PRKD1: variants seen among roughly 807,000 people sequenced by gnomAD.
The protein encoded by PRKD1 is serine/threonine-protein kinase D1.
A neutral mutation model predicts 95.9 loss-of-function variants in PRKD1; 63 were observed. That is an observed-to-expected ratio of 0.66 (90% CI 0.54 to 0.81). The LOEUF is 0.81. Among genes scored for constraint, PRKD1 ranks in the 30% least tolerant of loss-of-function variants. PRKD1 has a pLI of 0.00. For synonymous variants in PRKD1, 425 were observed against 423.1 expected (o/e 1.00, Z -0.05); for missense variants, 1,048 against 1,165.3 (o/e 0.90, Z 1.47).
chr14:29,896,665 G>C (rs554680371), intron 1 of PRKD1, among the ~76,000 whole-genome samples: 19 of 151,238 alleles, frequency 1.3e-4, no homozygotes, highest in East Asian at 3.9e-4. Context: ...TACACAAAAT[G>C]GTTGTAAAAG....
intron 13 of PRKD1, among the ~76,000 whole-genome samples, chr14:29,613,109 T>C (rs1003885247): frequency 6.6e-6 from 1 of 152,030 alleles, no homozygotes; most frequent in African/African-American, 2.4e-5. Flanking sequence ...AAAAAAAAAT[T>C]CTTCATGTAA....
At chr14:29,721,401 G>A (rs555648428) in intron 2 of PRKD1, among the ~76,000 whole-genome samples, 1 of 152,284 alleles carries the variant, frequency 6.6e-6, no homozygotes, top group African/African-American at 2.4e-5. Context: ...AGGAATTCTT[G>A]TAGTCCTTTT....
Position 29,725,644 on chromosome 14 carries a change from C to A in PRKD1, c.295G>T (p.Asp99Tyr). The change falls in exon 2 of 18, where the codon GAT becomes TAT. Residue 99 changes from aspartate (D) to tyrosine (Y), a missense_variant. Coordinates refer to ENST00000331968, the MANE Select transcript of PRKD1 (RefSeq NM_002742.3). Reference sequence around the variant, plus strand: ...TCATGGCGAAAAAGCAGGATCTTATCATACATTCCGTAGAAACCACATTCA... The same window carrying A: ...TCATGGCGAAAAAGCAGGATCTTATAATACATTCCGTAGAAACCACATTCA... ...FPECGFYGMY[D>Y]KILLFRHDPT... 6.2e-7 allele frequency: 1 copy of A among 1,613,658 alleles called. No individual in the cohort carries two copies. The highest frequency in any genetic ancestry group is 8.5e-7 in the Non-Finnish European group (1 of 1,179,718).
intron 1 of PRKD1, among the ~76,000 whole-genome samples, chr14:29,835,228 T>C (rs997939370): frequency 3.9e-5 from 6 of 152,290 alleles, no homozygotes; most frequent in South Asian, 2.1e-4. Flanking sequence ...AAACCCTTCA[T>C]TGATTTTGCT....
At chr14:29,828,390 T>C (rs1891277954) in intron 1 of PRKD1, among the ~76,000 whole-genome samples, 1 of 151,860 alleles carries the variant, frequency 6.6e-6, no homozygotes, top group Non-Finnish European at 1.5e-5. Context: ...ATCTCGCTCA[T>C]TACCATGAGG....
At chr14:29,895,391 A>C (rs541674829) in intron 1 of PRKD1, among the ~76,000 whole-genome samples, 6 of 152,044 alleles carry the variant, frequency 3.9e-5, no homozygotes, top group Non-Finnish European at 8.8e-5. Context: ...CTGACTGCTC[A>C]CTTTCATATA....
chr14:29,687,328 T>C (rs1401367297), intron 2 of PRKD1, among the ~76,000 whole-genome samples: 2 of 152,164 alleles, frequency 1.3e-5, no homozygotes, highest in Non-Finnish European at 2.9e-5. Flanking sequence ...CCAGGAATCT[T>C]CAGATTTTTG....
At position 29,927,681 on chromosome 14, in the gene PRKD1, C is replaced by CGGGAG. The variant is rs1328833732; in HGVS notation, c.-174_-170dup. The CGGGAG allele has an allele frequency of 1.7e-5, 2 of 120,004 alleles. No individual in the cohort carries two copies. The highest frequency in any genetic ancestry group is 4.9e-4 in the East Asian group (2 of 4,090). The allele number at this position is 120,004 out of a possible 1,614,324, so 7.4% of individuals were successfully genotyped here. A position where few individuals can be genotyped will look rare whatever the true frequency, so the allele number is the denominator to read the frequency against. On this transcript the variant is annotated 5_prime_UTR_variant, in exon 1 of 18. Transcript: ENST00000331968. ...TGGGGGAGGGCAAGGGGATGAGGATCGGGAGGGGAGGGGACTAAGGGGAGG... is the reference window on the plus strand; with the variant it reads ...TGGGGGAGGGCAAGGGGATGAGGATCGGGAGGGGAGGGGAGGGGACTAAGGGGAGG...
intron 2 of PRKD1, among the ~76,000 whole-genome samples, chr14:29,723,548 G>A (rs1213566869): frequency 6.6e-6 from 1 of 152,122 alleles, no homozygotes; most frequent in African/African-American, 2.4e-5. Context: ...AAAAACTATT[G>A]TAAACATAAA....
At chr14:29,676,192 T>TTTTTTTTTTTTTTTTG (rs1566532348) in intron 2 of PRKD1, among the ~76,000 whole-genome samples, 4 of 128,524 alleles carry the variant, frequency 3.1e-5, no homozygotes, top group African/African-American at 9.3e-5. Context: ...TGTTTTTTTT[T>TTTTTTTTTTTTTTTTG]TTTTTTTTTT....
chr14:29,717,836 T>C (rs1458829198), intron 2 of PRKD1, among the ~76,000 whole-genome samples: 2 of 152,154 alleles, frequency 1.3e-5, no homozygotes, highest in Admixed American at 6.6e-5. Flanking sequence ...TATTCCCCAG[T>C]TGACCTGGAC....
intron 2 of PRKD1, among the ~76,000 whole-genome samples, chr14:29,710,244 G>A (rs1885274681): frequency 6.6e-6 from 1 of 152,092 alleles, no homozygotes; most frequent in African/African-American, 2.4e-5. Context: ...TTGAGGGTGA[G>A]ACAGATTTAG....
chr14:29,716,428 A>T (rs45470792), intron 2 of PRKD1, among the ~76,000 whole-genome samples: 2,505 of 152,254 alleles, frequency 0.016, 36 homozygotes, highest in Middle Eastern at 0.041. Flanking sequence ...AGGCAGGGAC[A>T]GCTGTTCTGC....
chr14:29,794,026 C>T (rs1184227512), intron 1 of PRKD1, among the ~76,000 whole-genome samples: 2 of 151,982 alleles, frequency 1.3e-5, no homozygotes, highest in East Asian at 1.9e-4. Flanking sequence ...CAAGTCTCTG[C>T]TGTGCACAAT....
chr14:29,655,336 A>G (rs1881770773), intron 4 of PRKD1, among the ~76,000 whole-genome samples: 1 of 152,164 alleles, frequency 6.6e-6, no homozygotes, highest in Non-Finnish European at 1.5e-5. Context: ...ATTGAAGCAG[A>G]TGTCTTCATC....
intron 4 of PRKD1, among the ~76,000 whole-genome samples, chr14:29,639,306 A>C (rs1188476352): frequency 6.6e-6 from 1 of 152,192 alleles, no homozygotes; most frequent in Non-Finnish European, 1.5e-5. Context: ...AAAGACAGAA[A>C]ATGAAAAGTA....
chr14:29,624,781 A>G (rs976580836), intron 12 of PRKD1, among the ~76,000 whole-genome samples: 5 of 152,170 alleles, frequency 3.3e-5, no homozygotes, highest in African/African-American at 1.2e-4. Flanking sequence ...TGTAAAGTAT[A>G]CAAAATACCC....
At chr14:29,904,628 T>G (rs1894432819) in intron 1 of PRKD1, among the ~76,000 whole-genome samples, 1 of 152,196 alleles carries the variant, frequency 6.6e-6, no homozygotes, top group Non-Finnish European at 1.5e-5. Context: ...TATTATATTT[T>G]AACTGACCTA....
At chr14:29,800,723 G>T (rs1889993278) in intron 1 of PRKD1, among the ~76,000 whole-genome samples, 2 of 152,096 alleles carry the variant, frequency 1.3e-5, no homozygotes, top group Non-Finnish European at 2.9e-5. Flanking sequence ...TTTGAAATGA[G>T]TATCTTCAAC....
Sources: allele counts gnomAD v4.1 joint callset (sites outside exome capture counted in the v4.1 genomes callset), GRCh38; gene constraint gnomAD v4.1.1; transcripts MANE v1.5; gene names NCBI Gene and HGNC (gene_info 2026-07-23, HGNC 2026-07-21).